The following METAP2 variants were observed in gnomAD, a reference collection of about 807,000 sequenced individuals.
METAP2 encodes methionine aminopeptidase 2.
A neutral mutation model predicts 59.4 loss-of-function variants in METAP2; 25 were observed. The ratio of observed to expected loss-of-function variants is 0.42; its 90% CI spans 0.31 to 0.59. The LOEUF is 0.59. METAP2 is among the 20% of genes least tolerant of loss of function. The pLI is 0.16. For synonymous variants in METAP2, 214 were observed against 194.1 expected, an observed-to-expected ratio of 1.10 and a Z score of -0.85; for missense variants, 366 against 581.2, an observed-to-expected ratio of 0.63 and a Z score of 3.81.
chr12:95,474,199 T>C lies in METAP2; in HGVS notation c.20T>C (p.Val7Ala), dbSNP rs766877998. The change falls in exon 1 of 11, where the codon GTA (valine) becomes GCA (alanine). Residue 7 changes from valine (V) to alanine (A), a missense_variant. Coordinates refer to ENST00000323666, the MANE Select transcript of METAP2 (RefSeq NM_006838.4). MAGVEE[V>A]AASGSHLNGD... ...GGCAACATGGCGGGTGTGGAGGAGG[T>C]AGCGGCCTCCGGGAGCCACCTGAAT... The C allele has an allele frequency of 6.2e-7, 1 of 1,613,070 alleles. No homozygotes were observed. Among genetic ancestry groups the C allele is most frequent in the African/African-American group, 1.3e-5 (1 of 74,912 alleles).
chr12:95,495,600 A>G (rs1450365944), intron 6 of METAP2, among the ~76,000 whole-genome samples: 1 of 152,216 alleles, frequency 6.6e-6, no homozygotes, highest in Non-Finnish European at 1.5e-5. Flanking sequence ...AGCTTAGAAT[A>G]AATACTTGCC....
intron 3 of METAP2, among the ~76,000 whole-genome samples, chr12:95,483,664 G>C (rs548569093): frequency 6.6e-6 from 1 of 152,070 alleles, no homozygotes; most frequent in South Asian, 2.1e-4. Flanking sequence ...ATTTTCTTTA[G>C]CTGTTAGCTA....
At chr12:95,483,683 C>T (rs553164617) in intron 3 of METAP2, among the ~76,000 whole-genome samples, 2 of 151,786 alleles carry the variant, frequency 1.3e-5, no homozygotes, top group East Asian at 1.9e-4. Flanking sequence ...TAAGGGATGT[C>T]GATATGAATT....
intron 7 of METAP2, among the ~76,000 whole-genome samples, chr12:95,501,771 T>C (rs991911687): frequency 6.7e-6 from 1 of 150,154 alleles, no homozygotes; most frequent in Non-Finnish European, 1.5e-5. Context: ...GGAAAACAAA[T>C]AGTGTTTGCA....
At chr12:95,487,234 G>A (rs1020710710) in intron 4 of METAP2, among the ~76,000 whole-genome samples, 3 of 152,116 alleles carry the variant, frequency 2.0e-5, no homozygotes, top group African/African-American at 4.8e-5. Context: ...GGACTTAAGA[G>A]TATTGCTTAA....
Position 95,511,890 on chromosome 12 carries a change from AAC to A in METAP2, c.965-3_965-2del. The A allele has an allele frequency of 1.3e-6, 2 of 1,589,662 alleles. No individual in the cohort carries two copies. The highest frequency in any genetic ancestry group is 2.3e-5 in the South Asian group (2 of 88,058). On this transcript the variant is annotated splice_region_variant and splice_polypyrimidine_tract_variant and intron_variant, in intron 8 of 10. Transcript: ENST00000323666. ...TGACTTTTATTTCCCTATTTTTTATAACAGTGAAACCAATCCGTAATCTAAAT... is the reference window on the plus strand; with the variant it reads ...TGACTTTTATTTCCCTATTTTTTATAAGTGAAACCAATCCGTAATCTAAAT...
At chr12:95,486,089 T>C (rs1050037175) in intron 4 of METAP2, 108 bp downstream of exon 4, 14 of 760,534 alleles carry the variant, frequency 1.8e-5, no homozygotes, top group Non-Finnish European at 2.7e-5. Context: ...AATAAATGCT[T>C]ATAAATTTGT....
chr12:95,510,642 A>T (rs2076395596), intron 8 of METAP2, among the ~76,000 whole-genome samples: 1 of 152,162 alleles, frequency 6.6e-6, no homozygotes, highest in South Asian at 2.1e-4. Flanking sequence ...GATACATTCA[A>T]ACCATAGCAG....
At chr12:95,484,317 C>T (rs772871417) in intron 3 of METAP2, among the ~76,000 whole-genome samples, 45 of 151,886 alleles carry the variant, frequency 3.0e-4, no homozygotes, top group Non-Finnish European at 1.0e-4. Flanking sequence ...CAGCTATTCT[C>T]GTAGCCTGTG....
At chr12:95,506,263 A>T (rs569108794) in intron 8 of METAP2, among the ~76,000 whole-genome samples, 23 of 151,126 alleles carry the variant, frequency 1.5e-4, no homozygotes, top group East Asian at 1.4e-3. Flanking sequence ...TGTATTTTTT[A>T]AAAAATATTT....
At chr12:95,494,267 G>A (rs1235812122) in intron 5 of METAP2, 50 bp downstream of exon 5, 1 of 1,514,758 alleles carries the variant, frequency 6.6e-7, no homozygotes, top group Admixed American at 1.9e-5. Context: ...GTTTTATTAA[G>A]TACTAACTCT....
In METAP2 at chr12:95,504,520, A is replaced by G. The variant is rs140430160; in HGVS notation, c.964+359A>G. 1.3e-3 allele frequency among the ~76,000 whole-genome samples: 194 copies of G among 152,308 alleles called. 1 individual carries two copies. Among genetic ancestry groups the G allele is most frequent in the African/African-American group, 3.9e-3 (162 of 41,546 alleles). ...TTTGTTTTGTTTGTTTTTTAAAGAC[A>G]GGGTCTCGTTCCGTCATCCAGGCTG... On this transcript the variant is annotated intron_variant, in intron 8 of 10. Transcript: ENST00000323666.
intron 6 of METAP2, 39 bp from the exon 7 acceptor site, chr12:95,495,965 G>C: frequency 8.2e-7 from 1 of 1,212,258 alleles, no homozygotes; most frequent in Non-Finnish European, 1.2e-6. Flanking sequence ...AAATTGACTA[G>C]CTGATAAGTA....
Position 95,513,964 on chromosome 12 carries a change from C to A in METAP2, c.*60C>A. The A allele has an allele frequency of 2.0e-6, 3 of 1,528,764 alleles. No homozygotes were observed. The highest frequency in any genetic ancestry group is 1.8e-6 in the Non-Finnish European group (2 of 1,131,866). The allele number at this position is 1,528,764 out of a possible 1,614,324, so 94.7% of individuals were successfully genotyped here. ...CTGAGCTTTGTTGGAAAACATGATA[C>A]CAGAATTAATTTGCCACATGTTGTC... On this transcript the variant is annotated 3_prime_UTR_variant, in exon 11 of 11. Coordinates refer to ENST00000323666, the MANE Select transcript of METAP2 (RefSeq NM_006838.4).
intron 6 of METAP2, 62 bp from the exon 7 acceptor site, chr12:95,495,942 C>A: frequency 1.0e-6 from 1 of 988,032 alleles, no homozygotes; most frequent in Non-Finnish European, 1.5e-6. Flanking sequence ...AGATTAAATG[C>A]TGTAAAGTAG....
At chr12:95,484,688 A>C (rs944190447) in intron 3 of METAP2, 1 of 349,030 alleles carries the variant, frequency 2.9e-6, no homozygotes, top group African/African-American at 2.2e-5. Flanking sequence ...TGTACTGTTC[A>C]TTATATTTCT....
chr12:95,493,488 C>T (rs566810040), intron 4 of METAP2, among the ~76,000 whole-genome samples: 2 of 152,182 alleles, frequency 1.3e-5, no homozygotes, highest in South Asian at 4.2e-4. Context: ...AAAAGAAATT[C>T]GTTAGCACTG....
In METAP2 at chr12:95,496,095, A is replaced by G; in HGVS notation, c.864A>G (p.Ile288Met). ...KAVKDATNTG[I>M]KCAGIDVRLC... ...TAAAAGATGCTACTAACACTGGAAT[A>G]AAGGTATGTGAACTGTAAGCACCAT... Residue 288 changes from isoleucine to methionine, a missense_variant, in exon 7 of 11, where the codon ATA becomes ATG. By Grantham distance (10) the Ile-to-Met change is conservative. Around this residue, in one of 4 missense-constraint regions of METAP2, gnomAD observed 106 missense variants for 221.9 expected, o/e 0.48. Transcript: ENST00000323666. 6.4e-7 allele frequency: 1 copy of G among 1,561,054 alleles called. No individual in the cohort carries two copies. Among genetic ancestry groups the G allele is most frequent in the Non-Finnish European group, 8.8e-7 (1 of 1,138,288 alleles).
Position 95,512,011 on chromosome 12 carries a change from C to G in METAP2, c.1068+13C>G. On this transcript the variant is annotated intron_variant, in intron 9 of 10. Coordinates refer to ENST00000323666, the MANE Select transcript of METAP2 (RefSeq NM_006838.4). ...AACAAGAATGGAGGTATGTGTGTCA[C>G]TAACATTTTACTTCCATGGAAGACA... 1 of 1,579,540 alleles carries G rather than the reference C, an allele frequency of 6.3e-7. No homozygotes were observed. The highest frequency in any genetic ancestry group is 8.7e-7 in the Non-Finnish European group (1 of 1,149,944).
Sources: allele counts gnomAD v4.1 joint callset (sites outside exome capture counted in the v4.1 genomes callset), GRCh38; gene constraint gnomAD v4.1.1; regional missense constraint gnomAD v4.1.1; transcripts MANE v1.5; gene names NCBI Gene and HGNC (gene_info 2026-07-23, HGNC 2026-07-21).